The following TMEM129 variants were observed in gnomAD, a reference collection of about 807,000 sequenced individuals.
TMEM129 encodes E3 ubiquitin-protein ligase TM129.
TMEM129 carries 35 observed loss-of-function variants against 34.1 expected under a neutral mutation model. The ratio of observed to expected loss-of-function variants is 1.03; its 90% CI spans 0.78 to 1.36. The LOEUF (loss-of-function observed/expected upper bound fraction) is 1.36, where lower values mean the gene tolerates loss of function less well. TMEM129 is among the 40% of genes most tolerant of loss of function. The probability of loss-of-function intolerance (pLI) is 0.00; values close to 1 mark genes in which losing one functional copy is unlikely to be tolerated. For missense variants in TMEM129, 504 were observed against 512.6 expected (o/e 0.98, Z 0.16); for synonymous variants, 239 against 217.3 (o/e 1.10, Z -0.88).
Position 1,720,526 on chromosome 4 carries a change from C to T in TMEM129, c.205+107G>A. The T allele has an allele frequency of 1.5e-6, 2 of 1,370,596 alleles. No homozygotes were observed. The highest frequency in any genetic ancestry group is 1.9e-6 in the Non-Finnish European group (2 of 1,035,878). The allele number at this position is 1,370,596 out of a possible 1,614,324, so 84.9% of individuals were successfully genotyped here. A position where few individuals can be genotyped will look rare whatever the true frequency, so the allele number is the denominator to read the frequency against. ...GAGGACCGGCGCCTCTCCCCAGCTG[C>T]GCCCAGGCGCTTTCGGGGCCTCGGG... On this transcript the variant is annotated intron_variant, in intron 1 of 3. Coordinates refer to ENST00000382936, the MANE Select transcript of TMEM129 (RefSeq NM_001127266.2). The surrounding 1 kb of genome is among the most constrained non-coding windows in gnomAD (Gnocchi z 4.4).
chr4:1,720,352 C>G lies in TMEM129; in HGVS notation c.205+281G>C, dbSNP rs1198991775. ...ACCACGACAAGCAAGGGCTGCTTGGCCTTGCAACCCCCAGGCACGTGACGG... is the reference window on the plus strand; with the variant it reads ...ACCACGACAAGCAAGGGCTGCTTGGGCTTGCAACCCCCAGGCACGTGACGG... On this transcript the variant is annotated intron_variant, in intron 1 of 3. Transcript: ENST00000382936. The surrounding 1 kb of genome is among the most constrained non-coding windows in gnomAD (Gnocchi z 4.4). Among the ~76,000 whole-genome samples, 1 of 152,266 alleles carries G rather than the reference C, an allele frequency of 6.6e-6. No homozygotes were observed. Among genetic ancestry groups the G allele is most frequent in the East Asian group, 1.9e-4 (1 of 5,200 alleles).
Position 1,720,610 on chromosome 4 carries a change from C to CCGGCCGGCCCGAG in TMEM129, c.205+10_205+22dup. Reference sequence around the variant, plus strand: ...AAGCCCTGCGCAGGAGAGGATGCGGCCGGCCGGCCCGAGCAGCCTCACCGA... The same window carrying CCGGCCGGCCCGAG: ...AAGCCCTGCGCAGGAGAGGATGCGGCCGGCCGGCCCGAGCGGCCGGCCCGAGCAGCCTCACCGA... On this transcript the variant is annotated intron_variant, in intron 1 of 3. Transcript: ENST00000382936. This position sits in a 1 kb window ranked among gnomAD's most constrained non-coding sequence, Gnocchi z 4.4. 1.3e-6 allele frequency: 2 copies of CCGGCCGGCCCGAG among 1,529,234 alleles called. No individual in the cohort carries two copies. Among genetic ancestry groups the CCGGCCGGCCCGAG allele is most frequent in the Non-Finnish European group, 1.8e-6 (2 of 1,141,896 alleles). 94.7% of individuals were successfully genotyped at this position (1,529,234 alleles called of 1,614,324 possible). A position where few individuals can be genotyped will look rare whatever the true frequency, so the allele number is the denominator to read the frequency against.
At chr4:1,719,174 C>T (rs758006022) in intron 1 of TMEM129, 17 of 637,170 alleles carry the variant, frequency 2.7e-5, no homozygotes, top group South Asian at 2.3e-4. Flanking sequence ...GGAGTTGCAC[C>T]AGCAGGTTCC....
intron 1 of TMEM129, among the ~76,000 whole-genome samples, chr4:1,719,544 G>A (rs139569468): frequency 8.5e-5 from 13 of 152,244 alleles, no homozygotes; most frequent in African/African-American, 3.1e-4. Context: ...AAATAAAACA[G>A]GTAACTAATA....
rs1210751622 is a variant in TMEM129 at position 1,718,263 on chromosome 4, G to A, written c.569C>T (p.Thr190Ile). ...CTCATGCTGCCGAGACTCCGTCACA[G>A]TCAGGTGCACGTCCTGCTGCTGGGC... ...HVAQQQDVHL[T>I]VTESRQHELS... Residue 190 changes from threonine (T) to isoleucine (I), a missense_variant, in exon 2 of 4, where the codon ACT becomes ATT. By Grantham distance (89) the Thr-to-Ile change is moderately conservative. Transcript: ENST00000382936. 6.2e-7 allele frequency: 1 copy of A among 1,611,340 alleles called. No individual in the cohort carries two copies. Among genetic ancestry groups the A allele is most frequent in the Non-Finnish European group, 8.5e-7 (1 of 1,179,028 alleles).
intron 2 of TMEM129, 171 bp downstream of exon 2, chr4:1,717,981 G>A (rs1005404061): frequency 4.6e-5 from 32 of 702,684 alleles, no homozygotes; most frequent in Admixed American, 1.5e-4. Context: ...AGGGCTATGC[G>A]GGAGGGCTCA....
At chr4:1,719,784 A>C (rs900152816) in intron 1 of TMEM129, among the ~76,000 whole-genome samples, 4 of 152,034 alleles carry the variant, frequency 2.6e-5, no homozygotes, top group African/African-American at 9.7e-5. Flanking sequence ...TCCATCTCTC[A>C]AGTGGGCCCC....
rs1377365713 is a variant in TMEM129 at position 1,720,818 on chromosome 4, G to A, written c.20C>T (p.Thr7Ile). 1 of 1,590,120 alleles carries A rather than the reference G, an allele frequency of 6.3e-7. No individual in the cohort carries two copies. Among genetic ancestry groups the A allele is most frequent in the Non-Finnish European group, 8.5e-7 (1 of 1,169,800 alleles). The change falls in exon 1 of 4, where the codon ACC becomes ATC. Residue 7 changes from threonine (T) to isoleucine (I), a missense_variant. Thr to Ile is a moderately conservative substitution (Grantham distance 89). Transcript: ENST00000382936. This position sits in a 1 kb window ranked among gnomAD's most constrained non-coding sequence, Gnocchi z 4.4. Reference sequence around the variant, plus strand: ...GAACACCAGATAGGCGAGAGTGAAGGTCACCTCGGGGCTGTCCATCGCGCA... The same window carrying A: ...GAACACCAGATAGGCGAGAGTGAAGATCACCTCGGGGCTGTCCATCGCGCA... MDSPEV[T>I]FTLAYLVFAV...
At chr4:1,718,075 C>T in intron 2 of TMEM129, 77 bp downstream of exon 2, 1 of 1,361,026 alleles carries the variant, frequency 7.3e-7, no homozygotes, top group Non-Finnish European at 9.9e-7. Context: ...CCCAGCACCT[C>T]CCAGGGGTCG....
chr4:1,719,331 A>C (rs931527593), intron 1 of TMEM129: 1 of 427,376 alleles, frequency 2.3e-6, no homozygotes, highest in Non-Finnish European at 4.8e-6. Flanking sequence ...AGGCGGACGG[A>C]TCACGAGGTC....
In TMEM129 at chr4:1,717,089, A is replaced by G; in HGVS notation, c.*91T>C. 1 of 1,368,564 alleles carries G rather than the reference A, an allele frequency of 7.3e-7. No individual in the cohort carries two copies. The highest frequency in any genetic ancestry group is 9.4e-7 in the Non-Finnish European group (1 of 1,058,420). 84.8% of individuals were successfully genotyped at this position (1,368,564 alleles called of 1,614,324 possible). ...GCTCTACATCATGTGCTTTAAGTAGAGCCCTTTGCCAGCCAGGAGGCCCAG... is the reference window on the plus strand; with the variant it reads ...GCTCTACATCATGTGCTTTAAGTAGGGCCCTTTGCCAGCCAGGAGGCCCAG... On this transcript the variant is annotated 3_prime_UTR_variant, in exon 4 of 4. Coordinates refer to ENST00000382936, the MANE Select transcript of TMEM129 (RefSeq NM_001127266.2).
rs1281640078 is a variant in TMEM129 at position 1,717,570 on chromosome 4, C to A, written c.786G>T (p.Glu262Asp). ...TGACCTCTACCAGGGAGGCAAATGT[C>A]TCCAGGAACAGGTCGCCCAGGCTCT... ...IHQSLGDLFL[E>D]TFASLVEVNP... Residue 262 changes from glutamate (E) to aspartate (D), a missense_variant, in exon 3 of 4, where the codon GAG (glutamate) becomes GAT (aspartate). By Grantham distance (45) the Glu-to-Asp change is conservative (BLOSUM62 2). Coordinates refer to ENST00000382936, the MANE Select transcript of TMEM129 (RefSeq NM_001127266.2). The A allele has an allele frequency of 1.3e-6, 2 of 1,549,496 alleles. No individual in the cohort carries two copies. The highest frequency in any genetic ancestry group is 1.4e-5 in the African/African-American group (1 of 73,028).
chr4:1,719,024 A>T (rs955836091), intron 1 of TMEM129: 137 of 1,290,424 alleles, frequency 1.1e-4, no homozygotes, highest in Non-Finnish European at 1.3e-4. Flanking sequence ...TGCATCCCAG[A>T]GCTGAAAAGT....
Position 1,718,154 on chromosome 4 carries a change from G to T in TMEM129, c.678C>A (p.Ile226=). The T allele has an allele frequency of 6.4e-7, 1 of 1,550,936 alleles. No homozygotes were observed. Among genetic ancestry groups the T allele is most frequent in the Non-Finnish European group, 8.7e-7 (1 of 1,147,334 alleles). ...STNPAVQAFD[I]WLNSTEYGEL... ...CCCCACAGGCACCACACTCTTACCA[G>T]ATGTCAAAGGCCTGCACAGCAGGGT... Residue 226 remains isoleucine (I), a splice_region_variant and synonymous_variant, in exon 2 of 4, where the codon ATC becomes ATA. Coordinates refer to ENST00000382936, the MANE Select transcript of TMEM129 (RefSeq NM_001127266.2).
chr4:1,719,321 A>G, intron 1 of TMEM129: 1 of 434,920 alleles, frequency 2.3e-6, no homozygotes, highest in African/African-American at 2.0e-5. Context: ...TGGGAAGCCG[A>G]GGCGGACGGA....
At position 1,719,386 on chromosome 4, in the gene TMEM129, TA is replaced by T. The variant is rs3836608; in HGVS notation, c.206-761del. On this transcript the variant is annotated intron_variant, in intron 1 of 3. Transcript: ENST00000382936. ...TAACACGGTGAAACCCCATCTCCACTAAAAAATACAAAAAATTAGCCGGGCG... is the reference window on the plus strand; with the variant it reads ...TAACACGGTGAAACCCCATCTCCACTAAAAATACAAAAAATTAGCCGGGCG... Among the ~76,000 whole-genome samples, 66 of 151,966 alleles carry T rather than the reference TA, an allele frequency of 4.3e-4. 2 individuals are homozygous for T. The East Asian group carries it at 0.013, about 29-fold the overall frequency.
Position 1,717,536 on chromosome 4 carries a change from A to G in TMEM129, c.820T>C (p.Tyr274His). 6.5e-7 allele frequency: 1 copy of G among 1,540,456 alleles called. No individual in the cohort carries two copies. Among genetic ancestry groups the G allele is most frequent in the Non-Finnish European group, 8.8e-7 (1 of 1,140,720 alleles). Reference sequence around the variant, plus strand: ...CCCACCTGGCTGCTGGGCACTGAGTAGGCCGGGTTGACCTCTACCAGGGAG... The same window carrying G: ...CCCACCTGGCTGCTGGGCACTGAGTGGGCCGGGTTGACCTCTACCAGGGAG... ...FASLVEVNPAYSVPSSQELEA... is the reference protein window; with the variant it reads ...FASLVEVNPAHSVPSSQELEA... Residue 274 changes from tyrosine (Y) to histidine (H), a missense_variant, in exon 3 of 4, where the codon TAC (tyrosine) becomes CAC (histidine). By Grantham distance (83) the Tyr-to-His change is moderately conservative. Transcript: ENST00000382936.
At position 1,717,212 on chromosome 4, in the gene TMEM129, A is replaced by G. The variant is rs1458819438; in HGVS notation, c.1057T>C (p.Phe353Leu). ...ACGGTGCACACATCCAGGATGCAGA[A>G]GCGTGCGCGGCAGGTGGGGCAGGGC... ...RVPCPTCRAR[F>L]CILDVCTVR Residue 353 changes from phenylalanine (F) to leucine (L), a missense_variant, in exon 4 of 4, where the codon TTC becomes CTC. Transcript: ENST00000382936. 2 of 1,485,856 alleles carry G rather than the reference A, an allele frequency of 1.3e-6. No individual in the cohort carries two copies. The highest frequency in any genetic ancestry group is 2.5e-5 in the East Asian group (1 of 39,962). 92.0% of individuals were successfully genotyped at this position (1,485,856 alleles called of 1,614,324 possible). A position where few individuals can be genotyped will look rare whatever the true frequency, so the allele number is the denominator to read the frequency against.
Position 1,720,555 on chromosome 4 carries a change from C to T in TMEM129, c.205+78G>A, listed in dbSNP as rs1200465556. 2.1e-6 allele frequency: 3 copies of T among 1,449,312 alleles called. No homozygotes were observed. Among genetic ancestry groups the T allele is most frequent in the East Asian group, 2.6e-5 (1 of 38,926 alleles). 89.8% of individuals were successfully genotyped at this position (1,449,312 alleles called of 1,614,324 possible). ...CAGGCGCTTTCGGGGCCTCGGGGAGCTGGCGGAGGCCTCCTCCTGACCTCC... is the reference window on the plus strand; with the variant it reads ...CAGGCGCTTTCGGGGCCTCGGGGAGTTGGCGGAGGCCTCCTCCTGACCTCC... On this transcript the variant is annotated intron_variant, in intron 1 of 3. Coordinates refer to ENST00000382936, the MANE Select transcript of TMEM129 (RefSeq NM_001127266.2). This position sits in a 1 kb window ranked among gnomAD's most constrained non-coding sequence, Gnocchi z 4.4.
Sources: allele counts gnomAD v4.1 joint callset (sites outside exome capture counted in the v4.1 genomes callset), GRCh38; gene constraint gnomAD v4.1.1; non-coding constraint Gnocchi (gnomAD v3.1); transcripts MANE v1.5; gene names NCBI Gene and HGNC (gene_info 2026-07-23, HGNC 2026-07-21).